SLC5A12: variants seen among roughly 807,000 people sequenced by gnomAD.
SLC5A12 encodes solute carrier family 5 member 12.
SLC5A12 carries 46 observed loss-of-function variants against 72.7 expected under a neutral mutation model. The observed-to-expected ratio is 0.63, with a 90% CI of 0.50 to 0.81. SLC5A12 has a LOEUF of 0.81. Ranked by LOEUF, SLC5A12 falls within the 30% of genes least tolerant of loss-of-function variation. SLC5A12 has a pLI of 0.00. For missense variants in SLC5A12, 683 were observed against 740.7 expected (o/e 0.92, Z 0.90); for synonymous variants, 275 against 264.4 (o/e 1.04, Z -0.39).
chr11:26,690,403 T>G (rs1204008122), intron 9 of SLC5A12, among the ~76,000 whole-genome samples: 1 of 151,914 alleles, frequency 6.6e-6, no homozygotes, highest in Admixed American at 6.6e-5. Context: ...GTATACAACA[T>G]GAAACATTCT....
chr11:26,677,344 G>A (rs1854289215), intron 13 of SLC5A12, among the ~76,000 whole-genome samples: 1 of 152,164 alleles, frequency 6.6e-6, no homozygotes, highest in African/African-American at 2.4e-5. Flanking sequence ...AAGTGCTGCT[G>A]TATCAACATA....
At chr11:26,718,632 G>A (rs1192784510) in intron 1 of SLC5A12, among the ~76,000 whole-genome samples, 935 of 20,394 alleles carry the variant, frequency 0.046, 20 homozygotes, top group Non-Finnish European at 0.065. Flanking sequence ...GTGTGTGTGT[G>A]TGTGTGTGTG....
At chr11:26,673,558 T>C (rs775559122) in intron 13 of SLC5A12, 29 bp from the exon 14 acceptor site, 1 of 1,572,534 alleles carries the variant, frequency 6.4e-7, no homozygotes, top group Admixed American at 1.8e-5. Flanking sequence ...ATAGATTAGA[T>C]GGTTGCAGGC....
At chr11:26,678,240 CTG>C (rs1854308996) in intron 13 of SLC5A12, among the ~76,000 whole-genome samples, 1 of 152,162 alleles carries the variant, frequency 6.6e-6, no homozygotes, top group Admixed American at 6.5e-5. Context: ...AAGAACCACT[CTG>C]AATATTTAAC....
chr11:26,699,847 T>G (rs1286595121), intron 6 of SLC5A12, among the ~76,000 whole-genome samples: 1 of 152,256 alleles, frequency 6.6e-6, no homozygotes, highest in Non-Finnish European at 1.5e-5. Flanking sequence ...TGTATTATTG[T>G]TTTGTGTTCC....
At chr11:26,690,770 G>A (rs2133166908) in intron 9 of SLC5A12, among the ~76,000 whole-genome samples, 1 of 149,450 alleles carries the variant, frequency 6.7e-6, no homozygotes, top group South Asian at 2.1e-4. Flanking sequence ...TCATGCCATG[G>A]CCAACAAGAG....
chr11:26,697,219 TG>T lies in SLC5A12; in HGVS notation c.984del (p.Thr329GlnfsTer18), dbSNP rs1189198068. 6.2e-7 allele frequency: 1 copy of T among 1,613,712 alleles called. No homozygotes were observed. Among genetic ancestry groups the T allele is most frequent in the Non-Finnish European group, 8.5e-7 (1 of 1,179,912 alleles). ...AAAAGTCCTGGCAGTCCTGGCATTG[TG>T]GCAAATATCTCCATGACAAAGTACG... ...LMPYFVMEIFATMPGLPGLFV... is the reference protein window; with the variant it reads ...LMPYFVMEIFXTMPGLPGLFV... On this transcript the variant is annotated frameshift_variant, in exon 8 of 15. Transcript: ENST00000396005. LOFTEE classifies it high-confidence loss of function.
intron 1 of SLC5A12, among the ~76,000 whole-genome samples, chr11:26,714,810 C>G (rs1344882667): frequency 2.0e-5 from 3 of 152,098 alleles, no homozygotes; most frequent in Non-Finnish European, 4.4e-5. Flanking sequence ...CCATTTTATA[C>G]TAACTCACAT....
At chr11:26,691,800 A>C (rs1461631235) in intron 9 of SLC5A12, 1 of 152,262 alleles carries the variant, frequency 6.6e-6, no homozygotes, top group Admixed American at 6.5e-5. Context: ...TAAGTGCTGA[A>C]GTGAGTATAA....
intron 2 of SLC5A12, among the ~76,000 whole-genome samples, chr11:26,711,725 C>G (rs2133212272): frequency 6.6e-6 from 1 of 152,184 alleles, no homozygotes; most frequent in South Asian, 2.1e-4. Context: ...TCATGAGGAG[C>G]TTTACTAAGC....
chr11:26,720,811 ATGTTT>A (rs5790606), intron 1 of SLC5A12, among the ~76,000 whole-genome samples: 124,314 of 151,506 alleles, frequency 0.82, 53,008 homozygotes, highest in Non-Finnish European at 0.94. Flanking sequence ...TTTCGTTAAA[ATGTTT>A]TGTACTTTTC....
intron 1 of SLC5A12, among the ~76,000 whole-genome samples, chr11:26,717,119 T>C (rs1855368305): frequency 6.6e-6 from 1 of 152,112 alleles, no homozygotes. Context: ...AATATAAATA[T>C]AATTACTAAC....
chr11:26,684,389 T>C (rs1854480064), intron 10 of SLC5A12, among the ~76,000 whole-genome samples: 2 of 152,108 alleles, frequency 1.3e-5, no homozygotes, highest in Admixed American at 1.3e-4. Flanking sequence ...TAATTCACAG[T>C]TTCTAGGGTT....
intron 7 of SLC5A12, 144 bp from the exon 8 acceptor site, chr11:26,697,396 G>T (rs1017875865): frequency 1.5e-6 from 1 of 668,504 alleles, no homozygotes; most frequent in East Asian, 2.9e-5. Context: ...AAAGGAGGTA[G>T]GAAGTTTATT....
At chr11:26,697,063 G>T in intron 8 of SLC5A12, 101 bp downstream of exon 8, 1 of 983,806 alleles carries the variant, frequency 1.0e-6, no homozygotes. Flanking sequence ...CAGAAGGTCA[G>T]TTTACACACA....
intron 12 of SLC5A12, among the ~76,000 whole-genome samples, chr11:26,680,352 T>TATATATATGTATATATATTC: frequency 7.8e-6 from 1 of 127,522 alleles, no homozygotes; most frequent in African/African-American, 3.0e-5. Context: ...TATATATTCA[T>TATATATATGTATATATATTC]ATATATATGT....
intron 1 of SLC5A12, among the ~76,000 whole-genome samples, chr11:26,717,922 A>T (rs1855389409): frequency 1.3e-5 from 2 of 152,172 alleles, no homozygotes; most frequent in South Asian, 4.1e-4. Flanking sequence ...GTATCAGGGC[A>T]GCATTCCAAG....
In SLC5A12 at chr11:26,670,284, T is replaced by C. The variant is rs778740531; in HGVS notation, c.*818A>G. ...ACCAAATTCTATCCTAACAACCTTC[T>C]ATAGGACATTCCTTTTCTCTTTCCT... On this transcript the variant is annotated 3_prime_UTR_variant, in exon 15 of 15. Coordinates refer to ENST00000396005, the MANE Select transcript of SLC5A12 (RefSeq NM_178498.4). 4 of 152,136 alleles carry C rather than the reference T, an allele frequency of 2.6e-5. No homozygotes were observed. The highest frequency in any genetic ancestry group is 5.9e-5 in the Non-Finnish European group (4 of 68,024). 9.4% of individuals were successfully genotyped at this position (152,136 alleles called of 1,614,324 possible).
At chr11:26,693,460 C>G (rs965121859) in intron 8 of SLC5A12, among the ~76,000 whole-genome samples, 42 of 152,120 alleles carry the variant, frequency 2.8e-4, no homozygotes, top group African/African-American at 1.0e-3. Context: ...TGTCACTTTC[C>G]AATCAGAGCT....
Sources: gnomAD v4.1 joint callset for allele counts (sites outside exome capture counted in the v4.1 genomes callset) on GRCh38, gnomAD v4.1.1 for gene constraint, MANE v1.5 for transcripts, NCBI Gene and HGNC (gene_info 2026-07-23, HGNC 2026-07-21) for gene names.